DDX1: variants seen among roughly 807,000 people sequenced by gnomAD.
The protein encoded by DDX1 is DEAD-box helicase 1, also known as ATP-dependent RNA helicase DDX1.
Under a neutral mutation model 108.7 loss-of-function variants are expected in DDX1, and 28 were observed. That is an observed-to-expected ratio of 0.26 (90% CI 0.19 to 0.35). DDX1 has a LOEUF of 0.35. DDX1 is among the 10% of genes least tolerant of loss of function. The probability of loss-of-function intolerance (pLI) is 1.00; values close to 1 mark genes in which losing one functional copy is unlikely to be tolerated. For synonymous variants in DDX1, 295 were observed against 288.9 expected (o/e 1.02, Z -0.21); for missense variants, 710 against 884.5 (o/e 0.80, Z 2.50).
chr2:15,618,076 C>T (rs999985334), intron 15 of DDX1, 105 bp from the exon 16 acceptor site: 5 of 595,918 alleles, frequency 8.4e-6, no homozygotes, highest in Non-Finnish European at 1.2e-5. Flanking sequence ...AATTAGTTTC[C>T]TTATATTTTG....
In DDX1 at chr2:15,612,094, C is replaced by G. The variant is rs1456946410; in HGVS notation, c.957-1130C>G. 5.6e-5 allele frequency among the ~76,000 whole-genome samples: 8 copies of G among 142,918 alleles called. No homozygotes were observed. The South Asian group carries it at 1.8e-3, about 33-fold the overall frequency. The allele number at this position is 142,918 out of a possible 152,430, so 93.8% of individuals were successfully genotyped here. On this transcript the variant is annotated intron_variant, in intron 13 of 25. Transcript: ENST00000233084. ...GGGCGGCTGGCTGGCGGGGCCTGACCCCCCCACCTCCCTCCCGGACGGGGC... is the reference window on the plus strand; with the variant it reads ...GGGCGGCTGGCTGGCGGGGCCTGACGCCCCCACCTCCCTCCCGGACGGGGC...
chr2:15,603,072 T>A (rs751812147), intron 7 of DDX1, 120 bp from the exon 8 acceptor site: 2 of 672,576 alleles, frequency 3.0e-6, no homozygotes, highest in Non-Finnish European at 5.1e-6. Context: ...GGTACAAATA[T>A]ACCTATAATT....
chr2:15,592,087 A>G (rs1023240898), intron 1 of DDX1, 138 bp downstream of exon 1: 4 of 814,824 alleles, frequency 4.9e-6, no homozygotes, highest in Non-Finnish European at 6.9e-6. Context: ...GCAGTCCCTG[A>G]TGGACCCGCG....
In DDX1 at chr2:15,622,950, GT is replaced by G. The variant is rs1253105500; in HGVS notation, c.1448-481del. Among the ~76,000 whole-genome samples the G allele has an allele frequency of 2.6e-5, 4 of 152,138 alleles. No individual in the cohort carries two copies. The East Asian group carries it at 7.7e-4, about 29-fold the overall frequency. ...AAAATTACTAGAGTTTTGTGTTAAG[GT>G]TTTTACTGCGTAGAGTGAAGTATGA... On this transcript the variant is annotated intron_variant, in intron 18 of 25. Transcript: ENST00000233084.
intron 6 of DDX1, among the ~76,000 whole-genome samples, chr2:15,601,012 C>T (rs767131827): frequency 6.6e-6 from 1 of 151,814 alleles, no homozygotes; most frequent in African/African-American, 2.4e-5. Context: ...TTCCTCATCC[C>T]CTACCCTTTT....
rs760995496 is a variant in DDX1 at position 15,630,905 on chromosome 2, G to C, written c.2222G>C (p.Ter741SerextTer9). ...CCTAACCAGCTGTTCAGAACCTTCT[G>C]ATTTTTACATTTACTGAATAAGATT... is the stretch of plus-strand genomic sequence containing the variant. ...YLPNQLFRTF[*>S] is the part of the protein sequence containing the mutation. The change falls in exon 26 of 26, where the codon TGA becomes TCA. Residue 741 changes from the stop codon to serine (S), a stop_lost. Coordinates refer to ENST00000233084, the MANE Select transcript of DDX1 (RefSeq NM_004939.3). 6.2e-7 allele frequency: 1 copy of C among 1,613,674 alleles called. No homozygotes were observed. The highest frequency in any genetic ancestry group is 8.5e-7 in the Non-Finnish European group (1 of 1,179,726).
At chr2:15,602,312 A>T (rs2148738761) in intron 6 of DDX1, among the ~76,000 whole-genome samples, 1 of 152,370 alleles carries the variant, frequency 6.6e-6, no homozygotes, top group East Asian at 1.9e-4. Flanking sequence ...ATGGCAGCAT[A>T]GAAAATAGCC....
chr2:15,593,616 A>G (rs1665453703), intron 1 of DDX1, among the ~76,000 whole-genome samples: 1 of 152,216 alleles, frequency 6.6e-6, no homozygotes, highest in Admixed American at 6.5e-5. Context: ...AGCTTGCAGT[A>G]TTCCGTATGC....
chr2:15,622,324 T>G (rs1373191791), intron 18 of DDX1, among the ~76,000 whole-genome samples: 4 of 152,230 alleles, frequency 2.6e-5, no homozygotes, highest in Non-Finnish European at 5.9e-5. Context: ...ATTTATCAAT[T>G]TTTAAAAAGC....
At chr2:15,602,662 CT>C (rs776778355) in intron 7 of DDX1, 31 bp downstream of exon 7, 66 of 1,480,652 alleles carry the variant, frequency 4.5e-5, no homozygotes, top group Middle Eastern at 1.7e-4. Context: ...CTTGTATAAA[CT>C]TTTGAGGCAA....
chr2:15,612,392 C>T (rs980525860), intron 13 of DDX1, among the ~76,000 whole-genome samples: 3 of 151,908 alleles, frequency 2.0e-5, no homozygotes, highest in African/African-American at 7.3e-5. Flanking sequence ...AGACGCTCCT[C>T]ACTTCCTAGA....
rs1415031376 is a variant in DDX1 at position 15,600,473 on chromosome 2, A to G, written c.307+757A>G. Among the ~76,000 whole-genome samples the G allele has an allele frequency of 2.6e-5, 4 of 152,118 alleles. No homozygotes were observed. The South Asian group carries it at 8.3e-4, about 32-fold the overall frequency. On this transcript the variant is annotated intron_variant, in intron 6 of 25. Transcript: ENST00000233084. ...AAATGTAACAGTTCCTTCACACTAT[A>G]CCCTCCAGTTTCAGAGTGTTTTGGT...
At position 15,630,961 on chromosome 2, in the gene DDX1, CTA is replaced by C. The variant is rs1419926289; in HGVS notation, c.*56_*57del. On this transcript the variant is annotated 3_prime_UTR_variant, in exon 26 of 26. Coordinates refer to ENST00000233084, the MANE Select transcript of DDX1 (RefSeq NM_004939.3). The stretch of plus-strand genomic sequence containing the variant: ...AATGAAAGTCTGTAGTCTTAAAACT[CTA>C]AAACAGTTGTACTGCTTCCAAGCAG... The C allele has an allele frequency of 3.8e-6, 6 of 1,567,910 alleles. No homozygotes were observed. The African/African-American group carries it at 8.1e-5, about 21-fold the overall frequency.
intron 8 of DDX1, 124 bp downstream of exon 8, chr2:15,603,399 T>C (rs1424986976): frequency 2.9e-6 from 2 of 692,558 alleles, no homozygotes; most frequent in Admixed American, 2.8e-5. Context: ...ATGGAAACAA[T>C]ATTTATCTGT....
At chr2:15,609,430 T>A (rs1296932388) in intron 13 of DDX1, among the ~76,000 whole-genome samples, 2 of 152,254 alleles carry the variant, frequency 1.3e-5, no homozygotes, top group Non-Finnish European at 2.9e-5. Flanking sequence ...GCCCCTCCTC[T>A]GATACACTGA....
chr2:15,628,694 G>A lies in DDX1; in HGVS notation c.1816G>A (p.Val606Ile). Residue 606 changes from valine to isoleucine, a missense_variant, in exon 22 of 26, where the codon GTA (valine) becomes ATA (isoleucine). Physicochemically the swap from Val to Ile is conservative, Grantham distance 29. Around this residue, in one of 3 missense-constraint regions of DDX1, gnomAD observed 661 missense variants for 810.2 expected, o/e 0.82. Coordinates refer to ENST00000233084, the MANE Select transcript of DDX1 (RefSeq NM_004939.3). ...AAACTACGTACATCGAATTGGCAGA[G>A]TAGGAAGAGCTGAAAGGTACTTCTG... ...KQNYVHRIGRVGRAERMGLAI... is the reference protein window; with the variant it reads ...KQNYVHRIGRIGRAERMGLAI... The A allele has an allele frequency of 6.2e-7, 1 of 1,613,204 alleles. No individual in the cohort carries two copies. The highest frequency in any genetic ancestry group is 8.5e-7 in the Non-Finnish European group (1 of 1,179,650).
chr2:15,606,259 A>C lies in DDX1; in HGVS notation c.812A>C (p.His271Pro). ...APDGYIVKSQ[H>P]SGNAQVTQTK... is the part of the protein sequence containing the mutation. ...GATGGTTACATTGTCAAATCACAGC[A>C]CTCAGGTATTATACCTGCAAGGGTA... The change falls in exon 12 of 26, where the codon CAC becomes CCC. Residue 271 changes from histidine to proline, a missense_variant. By Grantham distance (77) the His-to-Pro change is moderately conservative (BLOSUM62 -2). This residue lies in a region of DDX1 where 661 missense variants were observed against 810.2 expected (regional missense o/e 0.82). Transcript: ENST00000233084. 6.2e-7 allele frequency: 1 copy of C among 1,609,600 alleles called. No individual in the cohort carries two copies. Among genetic ancestry groups the C allele is most frequent in the Non-Finnish European group, 8.5e-7 (1 of 1,176,204 alleles).
At chr2:15,606,302 G>C (rs1018659970) in intron 12 of DDX1, 38 bp downstream of exon 12, 2 of 1,436,780 alleles carry the variant, frequency 1.4e-6, no homozygotes, top group Non-Finnish European at 1.9e-6. Flanking sequence ...CTAGAATAGT[G>C]AGAATAATTG....
At position 15,607,185 on chromosome 2, in the gene DDX1, G is replaced by A. The variant is rs1374839069; in HGVS notation, c.828G>A (p.Gln276=). ...TTTTTATTCCCTAAGGTAATGCACA[G>A]GTGACACAAACAAAGTTTCTCCCCA... The part of the protein sequence containing the change: ...IVKSQHSGNA[Q]VTQTKFLPNA... The change falls in exon 13 of 26, where the codon CAG becomes CAA. Residue 276 remains glutamine, a synonymous_variant. Coordinates refer to ENST00000233084, the MANE Select transcript of DDX1 (RefSeq NM_004939.3). The A allele has an allele frequency of 6.2e-7, 1 of 1,614,022 alleles. No individual in the cohort carries two copies. Among genetic ancestry groups the A allele is most frequent in the South Asian group, 1.1e-5 (1 of 91,064 alleles).
Sources: gnomAD v4.1 joint callset for allele counts (sites outside exome capture counted in the v4.1 genomes callset) on GRCh38, gnomAD v4.1.1 for gene constraint, gnomAD v4.1.1 regional missense constraint, MANE v1.5 for transcripts, NCBI Gene and HGNC (gene_info 2026-07-23, HGNC 2026-07-21) for gene names.